Variants in PPIE observed in about 807,000 individuals in gnomAD.
PPIE encodes the protein peptidylprolyl isomerase E.
PPIE carries 20 observed loss-of-function variants against 38.4 expected under a neutral mutation model. That is an observed-to-expected ratio of 0.52 (90% CI 0.37 to 0.76). The LOEUF (loss-of-function observed/expected upper bound fraction) is 0.76. PPIE is among the 30% of genes least tolerant of loss of function. The pLI, the probability that PPIE is intolerant of heterozygous loss-of-function variation, is 0.00. For missense variants in PPIE, 322 were observed against 385.8 expected, an observed-to-expected ratio of 0.83 and a Z score of 1.39; for synonymous variants, 142 against 135.7, an observed-to-expected ratio of 1.05 and a Z score of -0.32.
At chr1:39,753,262 C>T in intron 9 of PPIE, 25 bp from the exon 10 acceptor site, 3 of 1,612,978 alleles carry the variant, frequency 1.9e-6, no homozygotes, top group Non-Finnish European at 2.5e-6. Flanking sequence ...CGGCCTTACT[C>T]CCTCACTTCT....
chr1:39,743,180 A>C, intron 4 of PPIE, 36 bp from the exon 5 acceptor site: 1 of 1,583,264 alleles, frequency 6.3e-7, no homozygotes, highest in Non-Finnish European at 8.7e-7. Flanking sequence ...TTTTAACCTA[A>C]GAGAGTTTAA....
chr1:39,745,216 C>T (rs1647163418), intron 6 of PPIE, among the ~76,000 whole-genome samples, 159 bp from the exon 7 acceptor site: 1 of 152,220 alleles, frequency 6.6e-6, no homozygotes, highest in Non-Finnish European at 1.5e-5. Flanking sequence ...GCCATGGCTC[C>T]TGCCTCCTGC....
Position 39,753,796 on chromosome 1 carries a change from A to G in PPIE, c.*441A>G. The G allele has an allele frequency of 4.0e-6, 4 of 997,002 alleles. No individual in the cohort carries two copies. Among genetic ancestry groups the G allele is most frequent in the Non-Finnish European group, 4.8e-6 (4 of 837,354 alleles). The allele number at this position is 997,002 out of a possible 1,614,324, so 61.8% of individuals were successfully genotyped here. A position where few individuals can be genotyped will look rare whatever the true frequency, so the allele number is the denominator to read the frequency against. On this transcript the variant is annotated 3_prime_UTR_variant, in exon 10 of 10. Coordinates refer to ENST00000324379, the MANE Select transcript of PPIE (RefSeq NM_006112.4). ...GGCTGGTGAGTGGGGAGAGCAGAGCATCTTTTTCACAGCTTTCATTTCCTC... is the reference window on the plus strand; with the variant it reads ...GGCTGGTGAGTGGGGAGAGCAGAGCGTCTTTTTCACAGCTTTCATTTCCTC...
intron 7 of PPIE, chr1:39,747,296 A>G (rs1469430293): frequency 3.3e-5 from 5 of 152,034 alleles, no homozygotes; most frequent in African/African-American, 1.2e-4. Flanking sequence ...CCTGTTTTCA[A>G]TTCTTTTGGA....
chr1:39,756,622 G>A lies in PPIE; in HGVS notation c.*3267G>A. Reference sequence around the variant, plus strand: ...ATGGAGTCTTGTAGAGTTCAGTGATGGGAAACTAAAGTAGAAAAAGCACAT... The same window carrying A: ...ATGGAGTCTTGTAGAGTTCAGTGATAGGAAACTAAAGTAGAAAAAGCACAT... On this transcript the variant is annotated 3_prime_UTR_variant, in exon 10 of 10. Coordinates refer to ENST00000324379, the MANE Select transcript of PPIE (RefSeq NM_006112.4). 1 of 985,172 alleles carries A rather than the reference G, an allele frequency of 1.0e-6. No individual in the cohort carries two copies. The highest frequency in any genetic ancestry group is 1.2e-6 in the Non-Finnish European group (1 of 829,724). 61.0% of individuals were successfully genotyped at this position (985,172 alleles called of 1,614,324 possible). A position where few individuals can be genotyped will look rare whatever the true frequency, so the allele number is the denominator to read the frequency against.
At position 39,756,527 on chromosome 1, in the gene PPIE, G is replaced by A; in HGVS notation, c.*3172G>A. On this transcript the variant is annotated 3_prime_UTR_variant, in exon 10 of 10. Coordinates refer to ENST00000324379, the MANE Select transcript of PPIE (RefSeq NM_006112.4). ...CCGCCTCCAGGTGCTCCCAGCATCT[G>A]TTGCAGTCATGGCAGCCTCACGGCA... 6.1e-6 allele frequency: 6 copies of A among 985,432 alleles called. No homozygotes were observed. The highest frequency in any genetic ancestry group is 7.2e-6 in the Non-Finnish European group (6 of 829,934). The allele number at this position is 985,432 out of a possible 1,614,324, so 61.0% of individuals were successfully genotyped here.
At chr1:39,745,605 C>A in intron 7 of PPIE, 107 bp downstream of exon 7, 1 of 1,546,442 alleles carries the variant, frequency 6.5e-7, no homozygotes, top group South Asian at 1.2e-5. Flanking sequence ...TTGCTTCTGA[C>A]CTAAGTTGAT....
downstream of PPIE, chr1:39,757,131 G>GTGTA (rs2124389761): frequency 6.6e-6 from 1 of 152,388 alleles, no homozygotes; most frequent in Non-Finnish European, 1.5e-5. Context: ...GGGATGCCAT[G>GTGTA]TGTAGATGGT....
At position 39,753,255 on chromosome 1, in the gene PPIE, C is replaced by T. The variant is rs1254833681; in HGVS notation, c.838-32C>T. 6.2e-6 allele frequency: 10 copies of T among 1,612,178 alleles called. No individual in the cohort carries two copies. In the South Asian group the frequency reaches 9.9e-5, roughly 16 times the overall value. ...TCCCTAAACCACTGTTAGTCTCCGG[C>T]CTTACTCCCTCACTTCTATTCTGCC... On this transcript the variant is annotated intron_variant, in intron 9 of 9. Transcript: ENST00000324379.
chr1:39,746,918 T>C (rs946873111), intron 7 of PPIE: 1 of 152,250 alleles, frequency 6.6e-6, no homozygotes, highest in Non-Finnish European at 1.5e-5. Flanking sequence ...TGAATCATCC[T>C]AAACAAAACC....
Position 39,755,034 on chromosome 1 carries a change from TC to T in PPIE, c.*1682del. ...GCCAGCCACTGAAGAGAACAAATGG[TC>T]CCACCCCCTGCTGAGCTCACAGTCT... On this transcript the variant is annotated 3_prime_UTR_variant, in exon 10 of 10. Transcript: ENST00000324379. 4 of 985,412 alleles carry T rather than the reference TC, an allele frequency of 4.1e-6. No homozygotes were observed. Among genetic ancestry groups the T allele is most frequent in the Non-Finnish European group, 4.8e-6 (4 of 829,928 alleles). The allele number at this position is 985,412 out of a possible 1,614,324, so 61.0% of individuals were successfully genotyped here. A position where few individuals can be genotyped will look rare whatever the true frequency, so the allele number is the denominator to read the frequency against.
chr1:39,743,582 G>A (rs1000306617), intron 5 of PPIE, among the ~76,000 whole-genome samples: 1 of 152,160 alleles, frequency 6.6e-6, no homozygotes, highest in African/African-American at 2.4e-5. Context: ...TCTCCATCAA[G>A]GGCTGAAATC....
At position 39,753,749 on chromosome 1, in the gene PPIE, G is replaced by A. The variant is rs1412294157; in HGVS notation, c.*394G>A. ...GGAGTTGTCAGAGATTGTGTCTGTG[G>A]CTAAGCTGGACCTCTGAGGCAGGCT... On this transcript the variant is annotated 3_prime_UTR_variant, in exon 10 of 10. Coordinates refer to ENST00000324379, the MANE Select transcript of PPIE (RefSeq NM_006112.4). 2.9e-6 allele frequency: 3 copies of A among 1,019,890 alleles called. No homozygotes were observed. Among genetic ancestry groups the A allele is most frequent in the East Asian group, 9.7e-5 (1 of 10,268 alleles). 63.2% of individuals were successfully genotyped at this position (1,019,890 alleles called of 1,614,324 possible). A position where few individuals can be genotyped will look rare whatever the true frequency, so the allele number is the denominator to read the frequency against.
chr1:39,739,990 AAG>A (rs1335268828), intron 1 of PPIE, 173 bp from the exon 2 acceptor site: 2 of 563,870 alleles, frequency 3.5e-6, no homozygotes, highest in Non-Finnish European at 6.3e-6. Flanking sequence ...AAGAAGGGCG[AAG>A]AGAGGAATAT....
chr1:39,744,032 G>T (rs1288451351), intron 6 of PPIE, 108 bp downstream of exon 6: 1 of 662,808 alleles, frequency 1.5e-6, no homozygotes, highest in Non-Finnish European at 2.5e-6. Context: ...AAAGTGGAGG[G>T]AATGAATAAT....
chr1:39,760,199 G>T, downstream of PPIE: 4 of 763,708 alleles, frequency 5.2e-6, no homozygotes, highest in African/African-American at 1.8e-5. Flanking sequence ...CCTGATGATT[G>T]AGACCACCTG....
intron 8 of PPIE, among the ~76,000 whole-genome samples, 180 bp from the exon 9 acceptor site, chr1:39,752,730 C>T (rs1396373724): frequency 6.6e-6 from 1 of 152,250 alleles, no homozygotes; most frequent in East Asian, 1.9e-4. Context: ...ATTGAAACAC[C>T]TCACTTACCA....
In PPIE at chr1:39,755,760, T is replaced by C. The variant is rs560087038; in HGVS notation, c.*2405T>C. 1 of 985,396 alleles carries C rather than the reference T, an allele frequency of 1.0e-6. No homozygotes were observed. Among genetic ancestry groups the C allele is most frequent in the African/African-American group, 1.7e-5 (1 of 57,326 alleles). The allele number at this position is 985,396 out of a possible 1,614,324, so 61.0% of individuals were successfully genotyped here. On this transcript the variant is annotated 3_prime_UTR_variant, in exon 10 of 10. Coordinates refer to ENST00000324379, the MANE Select transcript of PPIE (RefSeq NM_006112.4). Reference sequence around the variant, plus strand: ...TCAGCAGGTTTGGAGCCATTGGGTGTGGACTCCTCTCCCAGTGTTCCTCCT... The same window carrying C: ...TCAGCAGGTTTGGAGCCATTGGGTGCGGACTCCTCTCCCAGTGTTCCTCCT...
chr1:39,753,393 C>T lies in PPIE; in HGVS notation c.*38C>T, dbSNP rs1046988. 0.35 allele frequency: 566,345 copies of T among 1,602,936 alleles called. 102,564 individuals are homozygous for T. The highest frequency in any genetic ancestry group is 0.39 in the South Asian group (35,191 of 89,350). On this transcript the variant is annotated 3_prime_UTR_variant, in exon 10 of 10. Coordinates refer to ENST00000324379, the MANE Select transcript of PPIE (RefSeq NM_006112.4). Reference sequence around the variant, plus strand: ...TCTGCTTCCCCCTCCGCTCTTGACCCTGCATATCCAGGAAGGAACTGCCAG... The same window carrying T: ...TCTGCTTCCCCCTCCGCTCTTGACCTTGCATATCCAGGAAGGAACTGCCAG...
Sources: allele counts gnomAD v4.1 joint callset (sites outside exome capture counted in the v4.1 genomes callset), GRCh38; gene constraint gnomAD v4.1.1; transcripts MANE v1.5; gene names NCBI Gene and HGNC (gene_info 2026-07-23, HGNC 2026-07-21).